ABLIM2: variants seen among roughly 807,000 people sequenced by gnomAD.
ABLIM2 encodes actin-binding LIM protein 2.
Under a neutral mutation model 97.7 loss-of-function variants are expected in ABLIM2, and 53 were observed. The observed-to-expected ratio is 0.54, with a 90% confidence interval of 0.44 to 0.68. The LOEUF (loss-of-function observed/expected upper bound fraction) is 0.68. Ranked by LOEUF, ABLIM2 falls within the 30% of genes least tolerant of loss-of-function variation. The pLI, the probability that ABLIM2 is intolerant of heterozygous loss-of-function variation, is 0.00. For missense variants in ABLIM2, 835 were observed against 867.2 expected (o/e 0.96, Z 0.47); for synonymous variants, 361 against 345.8 (o/e 1.04, Z -0.49).
At position 8,071,722 on chromosome 4, in the gene ABLIM2, C is replaced by T; in HGVS notation, c.675+5906G>A. 1.0e-6 allele frequency: 1 copy of T among 985,376 alleles called. No homozygotes were observed. The highest frequency in any genetic ancestry group is 1.2e-6 in the Non-Finnish European group (1 of 829,902). The allele number at this position is 985,376 out of a possible 1,614,324, so 61.0% of individuals were successfully genotyped here. ...ACCCACCCGCAGCCCCTCCTGGCCC[C>T]TGTGAGCCCCCATCAGCCCCTTGGA... On this transcript the variant is annotated intron_variant, in intron 6 of 20. Coordinates refer to ENST00000447017, the MANE Select transcript of ABLIM2 (RefSeq NM_001130083.2). The surrounding 1 kb of genome is among the most constrained non-coding windows in gnomAD (Gnocchi z 6.2).
At chr4:8,157,452 C>T (rs1185685249) in intron 1 of ABLIM2, among the ~76,000 whole-genome samples, 3 of 152,240 alleles carry the variant, frequency 2.0e-5, no homozygotes, top group Non-Finnish European at 4.4e-5. Context: ...AGGGTTCTGC[C>T]TCTGACCTCC....
Position 8,155,846 on chromosome 4 carries a change from GAC to G in ABLIM2, c.10+2832_10+2833del, listed in dbSNP as rs1368568523. Among the ~76,000 whole-genome samples the G allele has an allele frequency of 2.0e-5, 3 of 152,150 alleles. No homozygotes were observed. Among genetic ancestry groups the G allele is most frequent in the Non-Finnish European group, 4.4e-5 (3 of 68,032 alleles). On this transcript the variant is annotated intron_variant, in intron 1 of 20. Coordinates refer to ENST00000447017, the MANE Select transcript of ABLIM2 (RefSeq NM_001130083.2). The surrounding 1 kb of genome is among the most constrained non-coding windows in gnomAD (Gnocchi z 4.2). Reference sequence around the variant, plus strand: ...AAAGGGAAGACGGGGCGAGGACACAGACACACACAAAGGGAAGACGGGGCGAG... The same window carrying G: ...AAAGGGAAGACGGGGCGAGGACACAGACACACAAAGGGAAGACGGGGCGAG...
intron 20 of ABLIM2, among the ~76,000 whole-genome samples, chr4:7,974,295 C>CCATCCACA (rs1263783764): frequency 1.3e-5 from 2 of 151,444 alleles, no homozygotes; most frequent in Admixed American, 6.6e-5. Context: ...GCCCACCTAC[C>CCATCCACA]CATCCACCCA....
chr4:8,085,287 C>T lies in ABLIM2; in HGVS notation c.454+2882G>A, dbSNP rs1010142011. ...CGGCCCAGCAAGCTGGCCAGGCAGA[C>T]GGTGCTGCTTCCTACATTCTGGACT... On this transcript the variant is annotated intron_variant, in intron 4 of 20. Coordinates refer to ENST00000447017, the MANE Select transcript of ABLIM2 (RefSeq NM_001130083.2). This position sits in a 1 kb window ranked among gnomAD's most constrained non-coding sequence, Gnocchi z 6.1. 1.3e-5 allele frequency among the ~76,000 whole-genome samples: 2 copies of T among 152,152 alleles called. No individual in the cohort carries two copies. The highest frequency in any genetic ancestry group is 2.9e-5 in the Non-Finnish European group (2 of 68,020).
intron 20 of ABLIM2, among the ~76,000 whole-genome samples, chr4:7,976,397 C>T (rs557657749): frequency 1.4e-4 from 21 of 152,342 alleles, no homozygotes; most frequent in Admixed American, 1.2e-3. Flanking sequence ...CCTGCCTCTA[C>T]GCAGCCAATC....
At chr4:8,119,726 T>A (rs989170588) in intron 1 of ABLIM2, among the ~76,000 whole-genome samples, 1 of 152,198 alleles carries the variant, frequency 6.6e-6, no homozygotes, top group African/African-American at 2.4e-5. Context: ...ACACTGTCTT[T>A]TAAAAAACAA....
In ABLIM2 at chr4:8,015,109, C is replaced by T. The variant is rs904090516; in HGVS notation, c.1423+4509G>A. On this transcript the variant is annotated intron_variant, in intron 14 of 20. Transcript: ENST00000447017. The surrounding 1 kb of genome is among the most constrained non-coding windows in gnomAD (Gnocchi z 4.6). ...CTAATTTTTATATTGTTAGTGGAGA[C>T]GGGGTTTCACCATGTTGGCCAGGCT... is the stretch of plus-strand genomic sequence containing the variant. Among the ~76,000 whole-genome samples, 12 of 152,124 alleles carry T rather than the reference C, an allele frequency of 7.9e-5. No homozygotes were observed. Among genetic ancestry groups the T allele is most frequent in the South Asian group, 2.1e-4 (1 of 4,812 alleles).
rs1263743452 is a variant in ABLIM2, at chr4:7,984,881, C to T, written c.1693G>A (p.Ala565Thr). 2 of 1,608,624 alleles carry T rather than the reference C, an allele frequency of 1.2e-6. No individual in the cohort carries two copies. Among genetic ancestry groups the T allele is most frequent in the South Asian group, 1.1e-5 (1 of 89,446 alleles). ...NGLDQRNANL[A>T]PCGADPDASW... ...GCATCCGGGTCTGCTCCACAGGGGGCCAGATTGGCATTCTGGAAGAGAAAG... is the reference window on the plus strand; with the variant it reads ...GCATCCGGGTCTGCTCCACAGGGGGTCAGATTGGCATTCTGGAAGAGAAAG... Residue 565 changes from alanine to threonine, a missense_variant, in exon 18 of 21, where the codon GCC becomes ACC. Coordinates refer to ENST00000447017, the MANE Select transcript of ABLIM2 (RefSeq NM_001130083.2).
At chr4:8,139,190 T>G (rs1425314255) in intron 1 of ABLIM2, among the ~76,000 whole-genome samples, 1 of 143,958 alleles carries the variant, frequency 6.9e-6, no homozygotes, top group Admixed American at 7.0e-5. Context: ...ACAGTGAAAC[T>G]CTGTCTTGAA....
At position 8,132,047 on chromosome 4, in the gene ABLIM2, T is replaced by C. The variant is rs943659387; in HGVS notation, c.11-25410A>G. Among the ~76,000 whole-genome samples the C allele has an allele frequency of 3.5e-4, 53 of 149,762 alleles. No individual in the cohort carries two copies. The highest frequency in any genetic ancestry group is 1.3e-3 in the Admixed American group (20 of 15,180). On this transcript the variant is annotated intron_variant, in intron 1 of 20. Transcript: ENST00000447017. The surrounding 1 kb of genome is among the most constrained non-coding windows in gnomAD (Gnocchi z 8.0). ...GGCAGCCTGCATCCCCGAGCACAGCTGTGCCGGCCGAGCTCAGGCCTCGGG... is the reference window on the plus strand; with the variant it reads ...GGCAGCCTGCATCCCCGAGCACAGCCGTGCCGGCCGAGCTCAGGCCTCGGG...
rs997222176 is a variant in ABLIM2 at position 8,082,196 on chromosome 4, C to T, written c.455-1394G>A. On this transcript the variant is annotated intron_variant, in intron 4 of 20. Transcript: ENST00000447017. The surrounding 1 kb of genome is among the most constrained non-coding windows in gnomAD (Gnocchi z 5.6). Reference sequence around the variant, plus strand: ...AGACCAAGCAGGGACCCCTCGTGCCCAAGGAAACCTCTACCCAAGATGGAA... The same window carrying T: ...AGACCAAGCAGGGACCCCTCGTGCCTAAGGAAACCTCTACCCAAGATGGAA... Among the ~76,000 whole-genome samples the T allele has an allele frequency of 6.6e-6, 1 of 152,102 alleles. No individual in the cohort carries two copies. The highest frequency in any genetic ancestry group is 1.5e-5 in the Non-Finnish European group (1 of 68,004).
At position 8,125,531 on chromosome 4, in the gene ABLIM2, G is replaced by A. The variant is rs995584965; in HGVS notation, c.11-18894C>T. 1.1e-4 allele frequency among the ~76,000 whole-genome samples: 17 copies of A among 152,040 alleles called. No individual in the cohort carries two copies. Among genetic ancestry groups the A allele is most frequent in the South Asian group, 1.0e-3 (5 of 4,808 alleles). ...GGATGGCTCTGCCATCAGCGTTGACGGTCTGGTCCATCTACCACAGTCGAT... is the reference window on the plus strand; with the variant it reads ...GGATGGCTCTGCCATCAGCGTTGACAGTCTGGTCCATCTACCACAGTCGAT... On this transcript the variant is annotated intron_variant, in intron 1 of 20. Coordinates refer to ENST00000447017, the MANE Select transcript of ABLIM2 (RefSeq NM_001130083.2). This position sits in a 1 kb window ranked among gnomAD's most constrained non-coding sequence, Gnocchi z 6.2.
chr4:8,136,249 T>C (rs530410272), intron 1 of ABLIM2, among the ~76,000 whole-genome samples: 2 of 152,156 alleles, frequency 1.3e-5, no homozygotes, highest in South Asian at 4.2e-4. Flanking sequence ...GTCAACTTCA[T>C]AGAGATGGAA....
rs1560546203 is a variant in ABLIM2, at chr4:8,005,259, CTT to C, written c.1618+2798_1618+2799del. On this transcript the variant is annotated intron_variant, in intron 16 of 20. Coordinates refer to ENST00000447017, the MANE Select transcript of ABLIM2 (RefSeq NM_001130083.2). The surrounding 1 kb of genome is among the most constrained non-coding windows in gnomAD (Gnocchi z 4.9). The stretch of plus-strand genomic sequence containing the variant: ...ACGCTTCTCCAGGTCAGGGGCTGCT[CTT>C]GTCTTCTCTGTCCCCCTCGGCGCCC... 1.9e-6 allele frequency: 1 copy of C among 516,446 alleles called. No homozygotes were observed. The highest frequency in any genetic ancestry group is 5.6e-5 in the East Asian group (1 of 17,958). 32.0% of individuals were successfully genotyped at this position (516,446 alleles called of 1,614,324 possible). A position where few individuals can be genotyped will look rare whatever the true frequency, so the allele number is the denominator to read the frequency against.
At chr4:8,030,584 G>C (rs964525842) in intron 10 of ABLIM2, among the ~76,000 whole-genome samples, 3 of 152,194 alleles carry the variant, frequency 2.0e-5, no homozygotes, top group African/African-American at 7.2e-5. Flanking sequence ...ACGCCTGCCT[G>C]GTGCGCCACC....
At chr4:8,034,057 G>A (rs1782655998) in intron 10 of ABLIM2, among the ~76,000 whole-genome samples, 1 of 152,208 alleles carries the variant, frequency 6.6e-6, no homozygotes, top group Admixed American at 6.5e-5. Context: ...GTCCCAGAGA[G>A]AGCGCCAGGA....
chr4:8,154,625 C>A (rs185380972), intron 1 of ABLIM2, among the ~76,000 whole-genome samples: 3 of 152,320 alleles, frequency 2.0e-5, no homozygotes, highest in Non-Finnish European at 4.4e-5. Context: ...ATTAGAAATT[C>A]TTTACATATG....
chr4:8,103,129 C>A (rs972030504), intron 2 of ABLIM2, among the ~76,000 whole-genome samples: 2 of 152,132 alleles, frequency 1.3e-5, no homozygotes, highest in African/African-American at 4.8e-5. Flanking sequence ...CCATCATGAC[C>A]CTGGTGAGTT....
intron 20 of ABLIM2, among the ~76,000 whole-genome samples, chr4:7,979,435 T>A (rs1262704012): frequency 6.6e-6 from 1 of 152,238 alleles, no homozygotes; most frequent in Non-Finnish European, 1.5e-5. Flanking sequence ...TCTTTAGGAA[T>A]GTGAAAACAA....
Sources: gnomAD v4.1 joint callset for allele counts (sites outside exome capture counted in the v4.1 genomes callset) on GRCh38, gnomAD v4.1.1 for gene constraint, Gnocchi (gnomAD v3.1) non-coding constraint, MANE v1.5 for transcripts, NCBI Gene and HGNC (gene_info 2026-07-23, HGNC 2026-07-21) for gene names.